CPED1: variants seen among roughly 807,000 people sequenced by gnomAD.
CPED1 encodes cadherin like and PC-esterase domain containing 1, also known as cadherin-like and PC-esterase domain-containing protein 1.
In CPED1, 114 loss-of-function variants were observed where a neutral mutation model predicts 128.2. The observed-to-expected ratio is 0.89, with a 90% CI of 0.76 to 1.04. The LOEUF is 1.04. CPED1 is among the 50% of genes least tolerant of loss of function. The pLI is 0.00. For missense variants in CPED1, 1,211 were observed against 1,207.1 expected (o/e 1.00, Z -0.05); for synonymous variants, 462 against 426.7 (o/e 1.08, Z -1.02).
intron 16 of CPED1, among the ~76,000 whole-genome samples, chr7:121,179,849 T>G (rs1014731483): frequency 2.0e-5 from 3 of 152,098 alleles, no homozygotes; most frequent in African/African-American, 2.4e-5. Context: ...TAGTCTGAAG[T>G]TTTGTTAGTA....
At chr7:121,034,488 T>C (rs1024084090) in intron 3 of CPED1, among the ~76,000 whole-genome samples, 2 of 152,188 alleles carry the variant, frequency 1.3e-5, no homozygotes, top group South Asian at 4.1e-4. Context: ...CCTCGTGATC[T>C]GCCCGCCTCT....
chr7:121,063,472 A>G (rs1793738937), intron 4 of CPED1, among the ~76,000 whole-genome samples: 1 of 150,288 alleles, frequency 6.7e-6, no homozygotes, highest in Non-Finnish European at 1.5e-5. Context: ...CTCTTCTCCA[A>G]CTGCAGCTGG....
At chr7:121,152,193 G>T (rs1796174957) in intron 16 of CPED1, among the ~76,000 whole-genome samples, 1 of 152,004 alleles carries the variant, frequency 6.6e-6, no homozygotes, top group African/African-American at 2.4e-5. Flanking sequence ...TTAGCAATGT[G>T]GTACAGACGT....
intron 18 of CPED1, among the ~76,000 whole-genome samples, chr7:121,251,661 G>T (rs1007549767): frequency 6.6e-6 from 1 of 151,936 alleles, no homozygotes; most frequent in Non-Finnish European, 1.5e-5. Context: ...AAACATTCTC[G>T]TACACCAATA....
At chr7:121,175,439 T>C (rs529968303) in intron 16 of CPED1, among the ~76,000 whole-genome samples, 62 of 152,214 alleles carry the variant, frequency 4.1e-4, no homozygotes, top group African/African-American at 1.4e-3. Flanking sequence ...ATAAACTAGA[T>C]ATTGAAGGAA....
At chr7:121,284,891 G>A (rs1248651922) in intron 22 of CPED1, among the ~76,000 whole-genome samples, 4 of 152,200 alleles carry the variant, frequency 2.6e-5, no homozygotes, top group African/African-American at 4.8e-5. Context: ...GGAGGACAGT[G>A]CCCTTCTTCT....
intron 3 of CPED1, among the ~76,000 whole-genome samples, chr7:121,039,277 G>A (rs932769781): frequency 2.0e-5 from 3 of 151,928 alleles, no homozygotes; most frequent in African/African-American, 7.3e-5. Flanking sequence ...TGCCCAGATT[G>A]CTCCAGCTCT....
chr7:121,130,348 A>G, intron 12 of CPED1, 54 bp downstream of exon 12: 1 of 1,460,840 alleles, frequency 6.8e-7, no homozygotes, highest in Non-Finnish European at 9.2e-7. Context: ...TAGTTTACAG[A>G]TTGATTTCAA....
chr7:121,053,134 T>C (rs1793402050), intron 4 of CPED1, among the ~76,000 whole-genome samples: 1 of 152,204 alleles, frequency 6.6e-6, no homozygotes, highest in Non-Finnish European at 1.5e-5. Flanking sequence ...TACATAACCA[T>C]GGTACTTTCA....
intron 16 of CPED1, among the ~76,000 whole-genome samples, chr7:121,192,243 A>C (rs574261935): frequency 7.9e-5 from 12 of 152,186 alleles, no homozygotes; most frequent in Non-Finnish European, 1.8e-4. Context: ...GGGTATCCCT[A>C]ATCTGGAAAT....
At chr7:121,090,706 T>C (rs1210049246) in intron 5 of CPED1, among the ~76,000 whole-genome samples, 17 of 152,196 alleles carry the variant, frequency 1.1e-4, no homozygotes, top group Non-Finnish European at 2.9e-5. Flanking sequence ...CCTAGCACTT[T>C]GGGAGGCCAA....
intron 16 of CPED1, among the ~76,000 whole-genome samples, chr7:121,159,773 C>G (rs981210933): frequency 2.0e-5 from 3 of 152,162 alleles, no homozygotes; most frequent in African/African-American, 7.2e-5. Flanking sequence ...TACATGCACA[C>G]ACATGGTAAA....
intron 16 of CPED1, among the ~76,000 whole-genome samples, chr7:121,203,450 C>T (rs1051453419): frequency 6.6e-6 from 1 of 152,138 alleles, no homozygotes; most frequent in African/African-American, 2.4e-5. Flanking sequence ...TACCATCTTT[C>T]CCTTTCCTTC....
intron 16 of CPED1, among the ~76,000 whole-genome samples, chr7:121,166,106 G>A (rs1796516770): frequency 6.7e-6 from 1 of 150,054 alleles, no homozygotes; most frequent in Non-Finnish European, 1.5e-5. Flanking sequence ...TGCCACAAGG[G>A]CCTGAGTGCA....
chr7:120,992,460 G>A (rs1159804223), intron 2 of CPED1, among the ~76,000 whole-genome samples: 1 of 152,028 alleles, frequency 6.6e-6, no homozygotes, highest in African/African-American at 2.4e-5. Context: ...AGATCTTTGG[G>A]GGGAAAATTA....
In CPED1 at chr7:121,266,365, A is replaced by C; in HGVS notation, c.2449A>C (p.Ser817Arg). Residue 817 changes from serine (S) to arginine (R), a missense_variant, in exon 19 of 23, where the codon AGT becomes CGT. Ser to Arg is a moderately radical substitution (Grantham distance 110). Coordinates refer to ENST00000310396, the MANE Select transcript of CPED1 (RefSeq NM_024913.5). ...HNVNGGKTLISYSYYPQFWIS... is the reference protein window; with the variant it reads ...HNVNGGKTLIRYSYYPQFWIS... ...CGTCAATGGTGGGAAGACTTTGATC[A>C]GTTATTCCTACTATCCCCAGTTCTG... The C allele has an allele frequency of 1.2e-6, 2 of 1,613,262 alleles. No homozygotes were observed. The highest frequency in any genetic ancestry group is 1.7e-6 in the Non-Finnish European group (2 of 1,179,454).
At chr7:121,105,797 A>T (rs1055519630) in intron 7 of CPED1, among the ~76,000 whole-genome samples, 2 of 152,146 alleles carry the variant, frequency 1.3e-5, no homozygotes, top group Admixed American at 6.6e-5. Flanking sequence ...CTTTTTAAAA[A>T]GCAATTCATT....
chr7:121,033,405 C>T (rs764252057), intron 3 of CPED1, among the ~76,000 whole-genome samples: 11 of 152,274 alleles, frequency 7.2e-5, no homozygotes, highest in African/African-American at 1.4e-4. Context: ...ACCTAGATGT[C>T]GGATTTATCT....
At chr7:121,055,134 T>C (rs1222903265) in intron 4 of CPED1, among the ~76,000 whole-genome samples, 3 of 152,210 alleles carry the variant, frequency 2.0e-5, no homozygotes, top group Non-Finnish European at 4.4e-5. Context: ...TTCCAGTTTA[T>C]GGCCATAATG....
Sources: allele counts gnomAD v4.1 joint callset (sites outside exome capture counted in the v4.1 genomes callset), GRCh38; gene constraint gnomAD v4.1.1; transcripts MANE v1.5; gene names NCBI Gene and HGNC (gene_info 2026-07-23, HGNC 2026-07-21).